Variants in ENTPD4 observed in about 807,000 individuals in gnomAD.
The protein encoded by ENTPD4 is Golgi UDPase.
ENTPD4 carries 60 observed loss-of-function variants against 79.1 expected under a neutral mutation model. The observed-to-expected ratio is 0.76, with a 90% CI of 0.62 to 0.94. The LOEUF (loss-of-function observed/expected upper bound fraction) is 0.94. Ranked by LOEUF, ENTPD4 falls within the 40% of genes least tolerant of loss-of-function variation. ENTPD4 has a pLI of 0.00. For synonymous variants in ENTPD4, 276 were observed against 292.0 expected, an observed-to-expected ratio of 0.95 and a Z score of 0.56; for missense variants, 772 against 775.1, an observed-to-expected ratio of 1.00 and a Z score of 0.05.
At chr8:23,448,985 G>A in intron 2 of ENTPD4, 46 bp from the exon 3 acceptor site, 1 of 1,487,080 alleles carries the variant, frequency 6.7e-7, no homozygotes, top group Non-Finnish European at 9.3e-7. Context: ...GCTCCAATGA[G>A]GCTTCCTTCA....
At chr8:23,437,316 G>A (rs1800584930) in intron 9 of ENTPD4, 58 bp from the exon 10 acceptor site, 2 of 1,351,128 alleles carry the variant, frequency 1.5e-6, no homozygotes, top group Admixed American at 4.6e-5. Context: ...TTTTCAGGAA[G>A]TGGCTGCAAA....
chr8:23,438,247 G>C (rs1190747434), intron 9 of ENTPD4, among the ~76,000 whole-genome samples: 1 of 152,176 alleles, frequency 6.6e-6, no homozygotes, highest in Non-Finnish European at 1.5e-5. Context: ...GACAGGTGTT[G>C]AACTGTTAAA....
chr8:23,434,333 G>C lies in ENTPD4; in HGVS notation c.1606C>G (p.Arg536Gly). The C allele has an allele frequency of 6.2e-7, 1 of 1,614,058 alleles. No homozygotes were observed. The highest frequency in any genetic ancestry group is 8.5e-7 in the Non-Finnish European group (1 of 1,179,944). ...CAGCCCTACCTTAATGGTAGAAAGC[G>C]GGTCCTGTAGAGGATGGCTCCAAGG... ...WTLGAILYRT[R>G]FLPLRDIQQE... The change falls in exon 12 of 13, where the codon CGC (arginine) becomes GGC (glycine). Residue 536 changes from arginine to glycine, a missense_variant. Coordinates refer to ENST00000358689, the MANE Select transcript of ENTPD4 (RefSeq NM_004901.5).
At chr8:23,450,834 T>A (rs926700927) in intron 1 of ENTPD4, among the ~76,000 whole-genome samples, 1 of 152,130 alleles carries the variant, frequency 6.6e-6, no homozygotes, top group African/African-American at 2.4e-5. Context: ...TATCTGAATG[T>A]TGCACAGAAC....
chr8:23,442,052 T>G lies in ENTPD4; in HGVS notation c.682A>C (p.Ile228Leu). 6.2e-7 allele frequency: 1 copy of G among 1,613,422 alleles called. No homozygotes were observed. Among genetic ancestry groups the G allele is most frequent in the African/African-American group, 1.3e-5 (1 of 75,040 alleles). The change falls in exon 7 of 13, where the codon ATT (isoleucine) becomes CTT (leucine). Residue 228 changes from isoleucine to leucine, a missense_variant. By Grantham distance (5) the Ile-to-Leu change is conservative. Transcript: ENST00000358689. Reference sequence around the variant, plus strand: ...CGTCCAAGGACAAAATTAATGCCAATCCAAGCATACACACCTATAGACATT... The same window carrying G: ...CGTCCAAGGACAAAATTAATGCCAAGCCAAGCATACACACCTATAGACATT... Reference protein sequence around the residue: ...SGKQEGVYAWIGINFVLGRFE... With the variant: ...SGKQEGVYAWLGINFVLGRFE...
intron 1 of ENTPD4, among the ~76,000 whole-genome samples, chr8:23,456,515 G>T (rs1281736454): frequency 2.6e-5 from 4 of 152,110 alleles, no homozygotes; most frequent in Non-Finnish European, 5.9e-5. Context: ...CTCCTTCCTA[G>T]ACTATATCCT....
In ENTPD4 at chr8:23,432,643, C is replaced by G; in HGVS notation, c.*283G>C. 1.6e-6 allele frequency: 1 copy of G among 634,410 alleles called. No individual in the cohort carries two copies. The highest frequency in any genetic ancestry group is 2.1e-6 in the Non-Finnish European group (1 of 468,522). 39.3% of individuals were successfully genotyped at this position (634,410 alleles called of 1,614,324 possible). Reference sequence around the variant, plus strand: ...CCTCCTGAGTAGCTGGGACTACGGGCGCCCGCCACCACACCCAGCTAATTT... The same window carrying G: ...CCTCCTGAGTAGCTGGGACTACGGGGGCCCGCCACCACACCCAGCTAATTT... On this transcript the variant is annotated 3_prime_UTR_variant, in exon 13 of 13. Coordinates refer to ENST00000358689, the MANE Select transcript of ENTPD4 (RefSeq NM_004901.5).
intron 1 of ENTPD4, among the ~76,000 whole-genome samples, chr8:23,450,433 C>G (rs934525957): frequency 6.6e-6 from 1 of 152,208 alleles, no homozygotes; most frequent in African/African-American, 2.4e-5. Flanking sequence ...CTAGTCAGTT[C>G]TCCGACTCCA....
rs1006574770 is a variant in ENTPD4, at chr8:23,444,509, T to G, written c.510A>C (p.Lys170Asn). 6.2e-7 allele frequency: 1 copy of G among 1,614,082 alleles called. No homozygotes were observed. Among genetic ancestry groups the G allele is most frequent in the African/African-American group, 1.3e-5 (1 of 74,938 alleles). ...TGCAGAGAATGTAGAGAGGTGTCTC[T>G]TTGTGTTTTGCCCGTGGCACATGCT... ...AAEHVPRAKH[K>N]ETPLYILCTA... The change falls in exon 5 of 13, where the codon AAA becomes AAC. Residue 170 changes from lysine to asparagine, a missense_variant. Coordinates refer to ENST00000358689, the MANE Select transcript of ENTPD4 (RefSeq NM_004901.5).
In ENTPD4 at chr8:23,447,790, C is replaced by T. The variant is rs1021113360; in HGVS notation, c.302G>A (p.Arg101Gln). The change falls in exon 4 of 13, where the codon CGA becomes CAA. Residue 101 changes from arginine to glutamine, a missense_variant. Transcript: ENST00000358689. ...CCTTGGCCAGCAGTAAACAAATACT[C>T]GAGACCCACTGCTACCACAGTCCAC... is the stretch of plus-strand genomic sequence containing the variant. Reference protein sequence around the residue: ...IVVDCGSSGSRVFVYCWPRHN... With the variant: ...IVVDCGSSGSQVFVYCWPRHN... 7.4e-6 allele frequency: 12 copies of T among 1,614,124 alleles called. No homozygotes were observed. The highest frequency in any genetic ancestry group is 1.1e-5 in the South Asian group (1 of 91,090).
chr8:23,457,394 C>A (rs1465909273), intron 1 of ENTPD4, among the ~76,000 whole-genome samples, 163 bp downstream of exon 1: 1 of 152,042 alleles, frequency 6.6e-6, no homozygotes, highest in Non-Finnish European at 1.5e-5. Context: ...GCAGGGGAGG[C>A]GGGAACCGGT....
At chr8:23,454,062 A>T (rs1231596012) in intron 1 of ENTPD4, among the ~76,000 whole-genome samples, 1 of 152,232 alleles carries the variant, frequency 6.6e-6, no homozygotes, top group East Asian at 1.9e-4. Context: ...TTTCTGGGCA[A>T]TGAGATCAGG....
intron 2 of ENTPD4, 43 bp from the exon 3 acceptor site, chr8:23,448,982 T>A (rs776415701): frequency 9.3e-6 from 14 of 1,501,104 alleles, no homozygotes; most frequent in Non-Finnish European, 1.1e-5. Context: ...TCTGCTCCAA[T>A]GAGGCTTCCT....
At chr8:23,442,101 G>C in intron 6 of ENTPD4, 35 bp from the exon 7 acceptor site, 1 of 1,539,572 alleles carries the variant, frequency 6.5e-7, no homozygotes, top group East Asian at 2.2e-5. Context: ...AGAAGAAAAA[G>C]TTTTAAAACA....
intron 4 of ENTPD4, among the ~76,000 whole-genome samples, chr8:23,446,786 C>G (rs1413135662): frequency 6.6e-6 from 1 of 152,148 alleles, no homozygotes; most frequent in African/African-American, 2.4e-5. Context: ...GTATTTTTCT[C>G]ATGTTAAACT....
chr8:23,432,908 G>C lies in ENTPD4; in HGVS notation c.*18C>G, dbSNP rs1311397726. On this transcript the variant is annotated 3_prime_UTR_variant, in exon 13 of 13. Coordinates refer to ENST00000358689, the MANE Select transcript of ENTPD4 (RefSeq NM_004901.5). ...AAATGGCTTTTCCTTTTGAGTCTTC[G>C]TGGAGCTGTGAGCTGGATCACAAGG... 8.3e-6 allele frequency: 13 copies of C among 1,563,332 alleles called. 1 individual carries two copies. The highest frequency in any genetic ancestry group is 7.1e-5 in the East Asian group (3 of 42,338).
rs1380832149 is a variant in ENTPD4, at chr8:23,430,940, C to T, written c.*1986G>A. 1 of 985,416 alleles carries T rather than the reference C, an allele frequency of 1.0e-6. No individual in the cohort carries two copies. The highest frequency in any genetic ancestry group is 1.2e-6 in the Non-Finnish European group (1 of 829,942). 61.0% of individuals were successfully genotyped at this position (985,416 alleles called of 1,614,324 possible). ...TCACCCCTTTCTTAACAACTTTGAC[C>T]ACGAAGCGCAAATACGATGCAGGTA... On this transcript the variant is annotated 3_prime_UTR_variant, in exon 13 of 13. Transcript: ENST00000358689.
chr8:23,437,381 G>C lies in ENTPD4; in HGVS notation c.1050-123C>G. On this transcript the variant is annotated intron_variant, in intron 9 of 12. Transcript: ENST00000358689. ...ACATGAGACCTGCAGGACCGTGTCT[G>C]TGGAACAGAAAAGGGTTCCGAGATA... is the stretch of plus-strand genomic sequence containing the variant. 5.9e-6 allele frequency: 4 copies of C among 681,846 alleles called. No individual in the cohort carries two copies. The South Asian group carries it at 8.3e-5, about 14-fold the overall frequency. The allele number at this position is 681,846 out of a possible 1,614,324, so 42.2% of individuals were successfully genotyped here. A position where few individuals can be genotyped will look rare whatever the true frequency, so the allele number is the denominator to read the frequency against.
chr8:23,438,619 C>T lies in ENTPD4; in HGVS notation c.1049+1130G>A, dbSNP rs530366161. ...TATATAAAGCTTTCTGACATTAAAA[C>T]CAATGAGTAAAAATTAAGGTTTCGG... is the stretch of plus-strand genomic sequence containing the variant. On this transcript the variant is annotated intron_variant, in intron 9 of 12. Transcript: ENST00000358689. Among the ~76,000 whole-genome samples, 3 of 152,196 alleles carry T rather than the reference C, an allele frequency of 2.0e-5. No individual in the cohort carries two copies. The East Asian group carries it at 5.8e-4, about 29-fold the overall frequency.
Sources: allele counts gnomAD v4.1 joint callset (sites outside exome capture counted in the v4.1 genomes callset), GRCh38; gene constraint gnomAD v4.1.1; transcripts MANE v1.5; gene names NCBI Gene and HGNC (gene_info 2026-07-23, HGNC 2026-07-21).